MTA1: variants seen among roughly 807,000 people sequenced by gnomAD.
MTA1 encodes the protein metastasis-associated protein MTA1.
In MTA1, 15 loss-of-function variants were observed where a neutral mutation model predicts 97.0. The ratio of observed to expected loss-of-function variants is 0.15; its 90% CI spans 0.10 to 0.24. The LOEUF (loss-of-function observed/expected upper bound fraction) is 0.24. Ranked by LOEUF, MTA1 falls within the 10% of genes least tolerant of loss-of-function variation. The probability of loss-of-function intolerance (pLI) is 1.00; values close to 1 mark genes in which losing one functional copy is unlikely to be tolerated. For missense variants in MTA1, 709 were observed against 1,015.1 expected (o/e 0.70, Z 4.10); for synonymous variants, 435 against 417.5 (o/e 1.04, Z -0.51).
chr14:105,466,675 T>C (rs782234612), intron 17 of MTA1, 32 bp from the exon 18 acceptor site: 1 of 1,603,776 alleles, frequency 6.2e-7, no homozygotes, highest in Non-Finnish European at 8.5e-7. Context: ...GACGCTGTCT[T>C]CTCTCCCTCT....
At chr14:105,465,892 G>A (rs587663563) in intron 16 of MTA1, 39 of 164,388 alleles carry the variant, frequency 2.4e-4, no homozygotes, top group Non-Finnish European at 4.4e-4. Flanking sequence ...AGAGTCATGA[G>A]CCAAGTGTGC....
chr14:105,431,911 G>C lies in MTA1; in HGVS notation c.29-6761G>C, dbSNP rs587593852. ...AAAGTGCTGGGATTACAGGCGTGAG[G>C]CACTACACCCGGCCTGTGGAAAGTA... On this transcript the variant is annotated intron_variant, in intron 1 of 20. Transcript: ENST00000331320. Among the ~76,000 whole-genome samples the C allele has an allele frequency of 2.0e-3, 297 of 152,146 alleles. 2 individuals are homozygous for C. Among genetic ancestry groups the C allele is most frequent in the African/African-American group, 6.8e-3 (284 of 41,524 alleles).
In MTA1 at chr14:105,469,890, T is replaced by C. The variant is rs2083762539; in HGVS notation, c.1895T>C (p.Val632Ala). 6.2e-7 allele frequency: 1 copy of C among 1,611,158 alleles called. No individual in the cohort carries two copies. The highest frequency in any genetic ancestry group is 1.1e-5 in the South Asian group (1 of 90,872). ...LLNGKSYPTK[V>A]RLIRGGSLPP... Reference sequence around the variant, plus strand: ...AACGGGAAGTCCTACCCCACCAAAGTGCGCCTGATCCGGGGGGGCTCCCTG... The same window carrying C: ...AACGGGAAGTCCTACCCCACCAAAGCGCGCCTGATCCGGGGGGGCTCCCTG... The change falls in exon 20 of 21, where the codon GTG (valine) becomes GCG (alanine). Residue 632 changes from valine to alanine, a missense_variant. This residue lies in a region of MTA1 where 388 missense variants were observed against 421.6 expected (regional missense o/e 0.92). Coordinates refer to ENST00000331320, the MANE Select transcript of MTA1 (RefSeq NM_004689.4).
chr14:105,463,617 C>T lies in MTA1; in HGVS notation c.1076+66C>T. On this transcript the variant is annotated intron_variant, in intron 12 of 20. Coordinates refer to ENST00000331320, the MANE Select transcript of MTA1 (RefSeq NM_004689.4). This position sits in a 1 kb window ranked among gnomAD's most constrained non-coding sequence, Gnocchi z 5.9. Reference sequence around the variant, plus strand: ...GGCCAGGGAGGGTGGGCACAGGGTGCTGGGGCCAGGCGGGTCCCAAGGAAA... The same window carrying T: ...GGCCAGGGAGGGTGGGCACAGGGTGTTGGGGCCAGGCGGGTCCCAAGGAAA... 1 of 1,513,256 alleles carries T rather than the reference C, an allele frequency of 6.6e-7. No individual in the cohort carries two copies. Among genetic ancestry groups the T allele is most frequent in the Non-Finnish European group, 9.2e-7 (1 of 1,091,278 alleles). The allele number at this position is 1,513,256 out of a possible 1,614,324, so 93.7% of individuals were successfully genotyped here.
chr14:105,465,128 G>A lies in MTA1; in HGVS notation c.1569G>A (p.Pro523=), dbSNP rs1555432358. Residue 523 remains proline, a synonymous_variant, in exon 16 of 21, where the codon CCG becomes CCA. Coordinates refer to ENST00000331320, the MANE Select transcript of MTA1 (RefSeq NM_004689.4). The part of the protein sequence containing the change: ...TARLPEASQS[P]LVLKQAVRKP... ...GGCTGCCCGAAGCCTCCCAGAGCCC[G>A]CTGGTGCTGAAGCAGGCGGTACGCA... The A allele has an allele frequency of 5.2e-6, 8 of 1,524,476 alleles. No homozygotes were observed. Among genetic ancestry groups the A allele is most frequent in the South Asian group, 2.4e-5 (2 of 83,346 alleles). The allele number at this position is 1,524,476 out of a possible 1,614,324, so 94.4% of individuals were successfully genotyped here. A position where few individuals can be genotyped will look rare whatever the true frequency, so the allele number is the denominator to read the frequency against.
intron 1 of MTA1, among the ~76,000 whole-genome samples, chr14:105,433,518 C>G (rs1555423804): frequency 6.6e-6 from 1 of 152,160 alleles, no homozygotes; most frequent in Non-Finnish European, 1.5e-5. Flanking sequence ...GGTCAAGGGT[C>G]AGACCTCTCT....
intron 13 of MTA1, 87 bp from the exon 14 acceptor site, chr14:105,464,329 G>A (rs1218095414): frequency 7.8e-6 from 12 of 1,547,044 alleles, no homozygotes; most frequent in African/African-American, 1.4e-5. Context: ...GGCGGGTGGG[G>A]GCGGCCGGCG....
Position 105,466,426 on chromosome 14 carries a change from A to AGGGGGGGGGGGGG in MTA1, c.1626_1627insGGGGGGGGGGGGG (p.Thr543GlyfsTer13). 22 of 1,484,076 alleles carry AGGGGGGGGGGGGG rather than the reference A, an allele frequency of 1.5e-5. No homozygotes were observed. The highest frequency in any genetic ancestry group is 1.7e-5 in the Admixed American group (1 of 58,772). The allele number at this position is 1,484,076 out of a possible 1,614,324, so 91.9% of individuals were successfully genotyped here. ...GTTCTGCCTGTGTCATTCCCGGCAG[A>AGGGGGGGGGGGGG]GACCCACCCCCGCCCCCCCAAGCCT... On this transcript the variant is annotated frameshift_variant and splice_region_variant, in exon 17 of 21. Coordinates refer to ENST00000331320, the MANE Select transcript of MTA1 (RefSeq NM_004689.4). LOFTEE classifies it high-confidence loss of function.
intron 6 of MTA1, among the ~76,000 whole-genome samples, chr14:105,452,013 A>G (rs1232990043): frequency 5.9e-5 from 9 of 152,002 alleles, no homozygotes; most frequent in African/African-American, 2.2e-4. Context: ...GCTGGTCTCA[A>G]ACTCCTGACC....
At position 105,470,348 on chromosome 14, in the gene MTA1, TG is replaced by T; in HGVS notation, c.*135del. ...CTCACCTGCAGAGAAACGCGCTCCT[TG>T]GCGGACACTGGGGGAGGAGAGGAAG... On this transcript the variant is annotated 3_prime_UTR_variant, in exon 21 of 21. Coordinates refer to ENST00000331320, the MANE Select transcript of MTA1 (RefSeq NM_004689.4). 1 of 690,804 alleles carries T rather than the reference TG, an allele frequency of 1.4e-6. No individual in the cohort carries two copies. Among genetic ancestry groups the T allele is most frequent in the Non-Finnish European group, 2.2e-6 (1 of 462,206 alleles). The allele number at this position is 690,804 out of a possible 1,614,324, so 42.8% of individuals were successfully genotyped here.
At chr14:105,436,019 A>G (rs1266065512) in intron 1 of MTA1, among the ~76,000 whole-genome samples, 3 of 152,198 alleles carry the variant, frequency 2.0e-5, no homozygotes, top group Admixed American at 6.5e-5. Flanking sequence ...CTGTAATCTC[A>G]GCACTTTGGG....
intron 6 of MTA1, among the ~76,000 whole-genome samples, chr14:105,451,775 C>CTTTTTCTTTTTTTTTTTT (rs2082940637): frequency 8.5e-6 from 1 of 118,268 alleles, no homozygotes; most frequent in Non-Finnish European, 1.7e-5. Context: ...TTTTCTTTTT[C>CTTTTTCTTTTTTTTTTTT]TTTTTTTGTT....
intron 3 of MTA1, among the ~76,000 whole-genome samples, chr14:105,447,117 T>C (rs2082742134): frequency 6.6e-6 from 1 of 152,158 alleles, no homozygotes; most frequent in Admixed American, 6.5e-5. Context: ...TGGCGGTTCT[T>C]AGTGTTGGAG....
At chr14:105,450,034 T>C in intron 4 of MTA1, 24 bp from the exon 5 acceptor site, 1 of 1,613,290 alleles carries the variant, frequency 6.2e-7, no homozygotes, top group Non-Finnish European at 8.5e-7. Context: ...GCCGCGGTGC[T>C]GACAGGGGCT....
At chr14:105,464,982 TCC>T in intron 15 of MTA1, 110 bp from the exon 16 acceptor site, 3 of 1,376,222 alleles carry the variant, frequency 2.2e-6, no homozygotes, top group Non-Finnish European at 2.9e-6. Context: ...CCCCACGTCC[TCC>T]TCGGTGCTGA....
rs869240296 is a variant in MTA1, at chr14:105,451,783, GTTTTTT to G, written c.432+1478_432+1483del. On this transcript the variant is annotated intron_variant, in intron 6 of 20. Coordinates refer to ENST00000331320, the MANE Select transcript of MTA1 (RefSeq NM_004689.4). ...CCCCCCTTTTTCTTTTTCTTTTTTT[GTTTTTT>G]TTTTTTTTTTTTTTTTTTGAGACAG... Among the ~76,000 whole-genome samples the G allele has an allele frequency of 5.5e-3, 173 of 31,388 alleles. 1 individual carries two copies. Among genetic ancestry groups the G allele is most frequent in the African/African-American group, 0.011 (165 of 14,426 alleles). 20.6% of individuals were successfully genotyped at this position (31,388 alleles called of 152,430 possible). A position where few individuals can be genotyped will look rare whatever the true frequency, so the allele number is the denominator to read the frequency against.
intron 16 of MTA1, chr14:105,465,950 C>T (rs940816172): frequency 3.7e-5 from 7 of 189,482 alleles, no homozygotes; most frequent in Non-Finnish European, 7.7e-5. Context: ...GGGGTTGTGG[C>T]CCCTGTCCTG....
intron 1 of MTA1, among the ~76,000 whole-genome samples, chr14:105,427,207 C>T (rs183898586): frequency 2.6e-5 from 4 of 152,242 alleles, no homozygotes; most frequent in African/African-American, 7.2e-5. Flanking sequence ...CAGTCATTTG[C>T]GGGCACGCAC....
rs587726747 is a variant in MTA1 at position 105,464,883 on chromosome 14, C to G, written c.1534+20C>G. The G allele has an allele frequency of 7.1e-6, 11 of 1,544,376 alleles. No individual in the cohort carries two copies. Among genetic ancestry groups the G allele is most frequent in the Non-Finnish European group, 8.7e-6 (10 of 1,143,184 alleles). ...CCGAGTGTGAGTCACCCCAACGCCC[C>G]GCTTACTCTGTTCCTGCGGGTGGTG... On this transcript the variant is annotated intron_variant, in intron 15 of 20. Coordinates refer to ENST00000331320, the MANE Select transcript of MTA1 (RefSeq NM_004689.4).
Sources: allele counts gnomAD v4.1 joint callset (sites outside exome capture counted in the v4.1 genomes callset), GRCh38; gene constraint gnomAD v4.1.1; regional missense constraint gnomAD v4.1.1; non-coding constraint Gnocchi (gnomAD v3.1); transcripts MANE v1.5; gene names NCBI Gene and HGNC (gene_info 2026-07-23, HGNC 2026-07-21).